Variants in ST8SIA5 observed in about 807,000 individuals in gnomAD.
The protein encoded by ST8SIA5 is alpha-2,8-sialyltransferase 8E.
A neutral mutation model predicts 40.2 loss-of-function variants in ST8SIA5; 24 were observed. That is an observed-to-expected ratio of 0.60 (90% CI 0.43 to 0.84). The LOEUF (loss-of-function observed/expected upper bound fraction) is 0.84, where lower values mean the gene tolerates loss of function less well. Among genes scored for constraint, ST8SIA5 ranks in the 40% least tolerant of loss-of-function variants. The pLI is 0.00. For synonymous variants in ST8SIA5, 198 were observed against 201.8 expected, an observed-to-expected ratio of 0.98 and a Z score of 0.16; for missense variants, 465 against 498.5, an observed-to-expected ratio of 0.93 and a Z score of 0.64.
Position 46,671,514 on chromosome 18 carries a change from T to G in ST8SIA5, c.*8528A>C, listed in dbSNP as rs914000269. ...AGGTGGACCAGACAGGTCCTCCCCA[T>G]GCTAGAGGGCCAAGTGTGTGGTACT... On this transcript the variant is annotated 3_prime_UTR_variant, in exon 7 of 7. Coordinates refer to ENST00000315087, the MANE Select transcript of ST8SIA5 (RefSeq NM_013305.6). 2.6e-5 allele frequency: 4 copies of G among 152,398 alleles called. No homozygotes were observed. The highest frequency in any genetic ancestry group is 9.6e-5 in the African/African-American group (4 of 41,548). The allele number at this position is 152,398 out of a possible 1,614,324, so 9.4% of individuals were successfully genotyped here. A position where few individuals can be genotyped will look rare whatever the true frequency, so the allele number is the denominator to read the frequency against.
chr18:46,685,945 T>G, intron 5 of ST8SIA5: 1 of 570,428 alleles, frequency 1.8e-6, no homozygotes, highest in Non-Finnish European at 3.1e-6. Context: ...TGTCCTTTGC[T>G]CTTAACACAT....
At chr18:46,740,670 A>G (rs1262505476) in intron 1 of ST8SIA5, among the ~76,000 whole-genome samples, 1 of 152,250 alleles carries the variant, frequency 6.6e-6, no homozygotes, top group Non-Finnish European at 1.5e-5. Context: ...AAATTATGAT[A>G]GAAATTAGAA....
chr18:46,690,232 A>C (rs1599104366), intron 3 of ST8SIA5, among the ~76,000 whole-genome samples: 1 of 152,132 alleles, frequency 6.6e-6, no homozygotes, highest in Non-Finnish European at 1.5e-5. Flanking sequence ...AGGGTGGGAG[A>C]AGGCCTGTTA....
rs769043203 is a variant in ST8SIA5 at position 46,756,410 on chromosome 18, T to C, written c.99A>G (p.Gln33=). ...ICAFALVTLL[Q]QILYGRNYIK... ...TGTAGTTCCTGCCATACAGGATCTGTTGCAGCAAGGTCACCAAGGCAAAGG... is the reference window on the plus strand; with the variant it reads ...TGTAGTTCCTGCCATACAGGATCTGCTGCAGCAAGGTCACCAAGGCAAAGG... The change falls in exon 1 of 7, where the codon CAA becomes CAG. Residue 33 remains glutamine (Q), a synonymous_variant. Coordinates refer to ENST00000315087, the MANE Select transcript of ST8SIA5 (RefSeq NM_013305.6). 2.5e-6 allele frequency: 4 copies of C among 1,612,982 alleles called. No homozygotes were observed. The East Asian group carries it at 8.9e-5, about 36-fold the overall frequency.
chr18:46,744,248 C>G (rs995312604), intron 1 of ST8SIA5, among the ~76,000 whole-genome samples: 1 of 152,090 alleles, frequency 6.6e-6, no homozygotes, highest in African/African-American at 2.4e-5. Flanking sequence ...CTAAATGCTC[C>G]AATTAAAAGA....
chr18:46,735,501 C>T lies in ST8SIA5; in HGVS notation c.131+20877G>A, dbSNP rs966907311. ...AGTAAAAATTCATGTAATAAAATTG[C>T]TTAGAACTAAATACACAGACTTATA... On this transcript the variant is annotated intron_variant, in intron 1 of 6. Transcript: ENST00000315087. Among the ~76,000 whole-genome samples the T allele has an allele frequency of 3.3e-5, 5 of 152,112 alleles. No homozygotes were observed. The East Asian group carries it at 9.6e-4, about 29-fold the overall frequency.
chr18:46,739,487 T>C (rs1359379937), intron 1 of ST8SIA5, among the ~76,000 whole-genome samples: 1 of 152,134 alleles, frequency 6.6e-6, no homozygotes, highest in Admixed American at 6.5e-5. Context: ...TGAGCTGAGA[T>C]AGCGCCACTG....
intron 1 of ST8SIA5, among the ~76,000 whole-genome samples, chr18:46,738,918 C>T (rs1449449829): frequency 6.6e-6 from 1 of 152,152 alleles, no homozygotes; most frequent in Non-Finnish European, 1.5e-5. Context: ...ATGCAGGCAG[C>T]CCAGCTTTTT....
chr18:46,695,370 C>T (rs1330822843), intron 2 of ST8SIA5, among the ~76,000 whole-genome samples: 1 of 152,040 alleles, frequency 6.6e-6, no homozygotes, highest in Non-Finnish European at 1.5e-5. Flanking sequence ...GGGACTTGGG[C>T]TAAGACCTAA....
intron 1 of ST8SIA5, among the ~76,000 whole-genome samples, chr18:46,752,773 T>C (rs917474954): frequency 2.0e-5 from 3 of 152,216 alleles, no homozygotes; most frequent in African/African-American, 7.2e-5. Context: ...GAAATCTTTG[T>C]GAGGTGGCAT....
chr18:46,719,794 TTC>T (rs1369157108), intron 1 of ST8SIA5, among the ~76,000 whole-genome samples: 1 of 143,850 alleles, frequency 7.0e-6, no homozygotes, highest in Non-Finnish European at 1.5e-5. Flanking sequence ...TTTTCTTTCT[TTC>T]TCTCTCTCTT....
intron 1 of ST8SIA5, among the ~76,000 whole-genome samples, chr18:46,753,501 A>T (rs181256982): frequency 6.6e-5 from 10 of 151,604 alleles, no homozygotes; most frequent in Non-Finnish European, 1.3e-4. Context: ...TGAACCCGGG[A>T]GGCAGAGTTT....
rs116710938 is a variant in ST8SIA5, at chr18:46,699,984, G to A, written c.224+4588C>T. On this transcript the variant is annotated intron_variant, in intron 2 of 6. Transcript: ENST00000315087. ...ACAGAGCTCCCAGTGGCAGAAAAAT[G>A]GGGAAGGGTGACAGGAGACGCTGGC... is the stretch of plus-strand genomic sequence containing the variant. 7.3e-3 allele frequency among the ~76,000 whole-genome samples: 1,109 copies of A among 152,314 alleles called. 12 individuals carry two copies. The highest frequency in any genetic ancestry group is 0.026 in the African/African-American group (1,065 of 41,554).
In ST8SIA5 at chr18:46,677,336, C is replaced by CATTCCCTCCAT. The variant is rs71162815; in HGVS notation, c.*2705_*2706insATGGAGGGAAT. ...GGGTGCCGTTCCCTCCATTGGGTGCCTGACCAAGGGCAAGTCCTGGAATTG... is the reference window on the plus strand; with the variant it reads ...GGGTGCCGTTCCCTCCATTGGGTGCCATTCCCTCCATTGACCAAGGGCAAGTCCTGGAATTG... On this transcript the variant is annotated 3_prime_UTR_variant, in exon 7 of 7. Coordinates refer to ENST00000315087, the MANE Select transcript of ST8SIA5 (RefSeq NM_013305.6). 1 of 152,270 alleles carries CATTCCCTCCAT rather than the reference C, an allele frequency of 6.6e-6. No individual in the cohort carries two copies. Among genetic ancestry groups the CATTCCCTCCAT allele is most frequent in the East Asian group, 1.9e-4 (1 of 5,190 alleles). The allele number at this position is 152,270 out of a possible 1,614,324, so 9.4% of individuals were successfully genotyped here.
chr18:46,732,731 C>A (rs1436311422), intron 1 of ST8SIA5, among the ~76,000 whole-genome samples: 1 of 152,130 alleles, frequency 6.6e-6, no homozygotes, highest in African/African-American at 2.4e-5. Flanking sequence ...TTGTATTTTC[C>A]CTCCTCCATT....
chr18:46,693,248 G>C (rs575000956), intron 2 of ST8SIA5, among the ~76,000 whole-genome samples: 1 of 152,104 alleles, frequency 6.6e-6, no homozygotes, highest in Admixed American at 6.5e-5. Context: ...GTTCTCTTGG[G>C]AACATCTGTC....
intron 1 of ST8SIA5, among the ~76,000 whole-genome samples, chr18:46,726,762 C>CA (rs200541005): frequency 0.015 from 2,284 of 152,040 alleles, 70 homozygotes; most frequent in African/African-American, 0.052. Context: ...ACTAAAAATA[C>CA]AAAAAAATTA....
chr18:46,698,732 C>T (rs1023136686), intron 2 of ST8SIA5, among the ~76,000 whole-genome samples: 2 of 152,194 alleles, frequency 1.3e-5, no homozygotes, highest in Non-Finnish European at 2.9e-5. Flanking sequence ...AAAGGTGAAT[C>T]CAACCTCAGA....
intron 2 of ST8SIA5, among the ~76,000 whole-genome samples, chr18:46,699,345 A>T (rs1170227079): frequency 6.6e-6 from 1 of 152,136 alleles, no homozygotes; most frequent in East Asian, 1.9e-4. Context: ...TAATGAAATG[A>T]GAGTGATTCT....
Sources: allele counts gnomAD v4.1 joint callset (sites outside exome capture counted in the v4.1 genomes callset), GRCh38; gene constraint gnomAD v4.1.1; transcripts MANE v1.5; gene names NCBI Gene and HGNC (gene_info 2026-07-23, HGNC 2026-07-21).